The following SLC6A9 variants were observed in gnomAD, a reference collection of about 807,000 sequenced individuals.
SLC6A9 encodes solute carrier family 6 member 9.
Under a neutral mutation model 70.9 loss-of-function variants are expected in SLC6A9, and 31 were observed. The ratio of observed to expected loss-of-function variants is 0.44; its 90% CI spans 0.33 to 0.59. The LOEUF is 0.59. SLC6A9 is among the 20% of genes least tolerant of loss of function. SLC6A9 has a pLI of 0.04. For missense variants in SLC6A9, 631 were observed against 845.2 expected (o/e 0.75, Z 3.14); for synonymous variants, 310 against 341.3 (o/e 0.91, Z 1.01).
intron 5 of SLC6A9, among the ~76,000 whole-genome samples, chr1:44,004,145 C>T (rs368816292): frequency 6.6e-6 from 1 of 151,938 alleles, no homozygotes; most frequent in Non-Finnish European, 1.5e-5. Context: ...CAGGTATGCA[C>T]CAATACGCTG....
chr1:44,002,183 C>G lies in SLC6A9; in HGVS notation c.962+130G>C. The G allele has an allele frequency of 1.5e-6, 1 of 678,622 alleles. No homozygotes were observed. 42.0% of individuals were successfully genotyped at this position (678,622 alleles called of 1,614,324 possible). On this transcript the variant is annotated intron_variant, in intron 8 of 13. Coordinates refer to ENST00000372310, the MANE Select transcript of SLC6A9 (RefSeq NM_001024845.3). The surrounding 1 kb of genome is among the most constrained non-coding windows in gnomAD (Gnocchi z 5.5). ...CATTCTCCAACAACTTTATCCAGAA[C>G]CAGTATTCCCAGAACCTCAAGATCA... is the stretch of plus-strand genomic sequence containing the variant.
At chr1:44,017,452 G>A (rs748529248) in intron 2 of SLC6A9, 30 of 906,838 alleles carry the variant, frequency 3.3e-5, no homozygotes, top group Non-Finnish European at 3.8e-5. Flanking sequence ...CTCCCCCCAC[G>A]GAGCTGACCA....
chr1:44,001,775 T>C lies in SLC6A9; in HGVS notation c.963-148A>G. ...CAGGGTCTCACTCTGTTGTCCAGGATGGAGTGCAATGGCGCTATCACAGCT... is the reference window on the plus strand; with the variant it reads ...CAGGGTCTCACTCTGTTGTCCAGGACGGAGTGCAATGGCGCTATCACAGCT... On this transcript the variant is annotated intron_variant, in intron 8 of 13. Transcript: ENST00000372310. The C allele has an allele frequency of 4.5e-6, 3 of 667,648 alleles. No homozygotes were observed. In the South Asian group the frequency reaches 5.4e-5, roughly 12 times the overall value. The allele number at this position is 667,648 out of a possible 1,614,324, so 41.4% of individuals were successfully genotyped here. A position where few individuals can be genotyped will look rare whatever the true frequency, so the allele number is the denominator to read the frequency against.
At chr1:44,023,370 C>T (rs781046099) in intron 2 of SLC6A9, among the ~76,000 whole-genome samples, 3 of 152,108 alleles carry the variant, frequency 2.0e-5, no homozygotes, top group Admixed American at 6.5e-5. Flanking sequence ...AGGCCGGGTG[C>T]GGTGGCTCAC....
chr1:43,997,490 G>C lies in SLC6A9; in HGVS notation c.*55C>G. ...GAGACACCTGGCCTCTGCCTCACCA[G>C]TCTCTGCGGTGGGAGCACGGGGTGG... On this transcript the variant is annotated 3_prime_UTR_variant, in exon 14 of 14. Transcript: ENST00000372310. The surrounding 1 kb of genome is among the most constrained non-coding windows in gnomAD (Gnocchi z 4.4). 1 of 1,521,672 alleles carries C rather than the reference G, an allele frequency of 6.6e-7. No individual in the cohort carries two copies. Among genetic ancestry groups the C allele is most frequent in the Non-Finnish European group, 9.1e-7 (1 of 1,104,570 alleles). The allele number at this position is 1,521,672 out of a possible 1,614,324, so 94.3% of individuals were successfully genotyped here.
At chr1:44,021,345 G>C (rs1215318809) in intron 2 of SLC6A9, among the ~76,000 whole-genome samples, 1 of 152,164 alleles carries the variant, frequency 6.6e-6, no homozygotes, top group African/African-American at 2.4e-5. Flanking sequence ...GAGCTGGCCT[G>C]GCAGAGACCA....
At position 44,002,755 on chromosome 1, in the gene SLC6A9, G is replaced by A; in HGVS notation, c.723+98C>T. On this transcript the variant is annotated intron_variant, in intron 6 of 13. Coordinates refer to ENST00000372310, the MANE Select transcript of SLC6A9 (RefSeq NM_001024845.3). The surrounding 1 kb of genome is among the most constrained non-coding windows in gnomAD (Gnocchi z 5.5). The stretch of plus-strand genomic sequence containing the variant: ...CCCCTGGTCCCTCTCCGGCTCCGGA[G>A]TCCCTTCAGCATCCCCTCCCTGCAA... The A allele has an allele frequency of 6.3e-7, 1 of 1,593,262 alleles. No individual in the cohort carries two copies. The highest frequency in any genetic ancestry group is 8.6e-7 in the Non-Finnish European group (1 of 1,163,596).
chr1:44,011,560 C>A, intron 2 of SLC6A9: 5 of 1,613,580 alleles, frequency 3.1e-6, no homozygotes, highest in Non-Finnish European at 4.2e-6. Flanking sequence ...GGGGAGCTGA[C>A]CTGGGCCATG....
chr1:44,010,219 G>A (rs1261346206), intron 3 of SLC6A9, 123 bp from the exon 4 acceptor site: 1 of 1,020,348 alleles, frequency 9.8e-7, no homozygotes, highest in Non-Finnish European at 1.4e-6. Context: ...GAGTGTGCCA[G>A]GCTTGAGCAG....
rs1266576138 is a variant in SLC6A9, at chr1:44,002,942, C to T, written c.634G>A (p.Glu212Lys). 3 of 1,613,950 alleles carry T rather than the reference C, an allele frequency of 1.9e-6. No homozygotes were observed. The highest frequency in any genetic ancestry group is 2.5e-6 in the Non-Finnish European group (3 of 1,179,928). ...KLSDDIGNFG[E>K]VRLPLLGCLG... ...CAGCCAAGGAGGGGCAGCCGCACCTCCCCAAAGTTCCCAATGTCATCTGAC... is the reference window on the plus strand; with the variant it reads ...CAGCCAAGGAGGGGCAGCCGCACCTTCCCAAAGTTCCCAATGTCATCTGAC... The change falls in exon 6 of 14, where the codon GAG becomes AAG. Residue 212 changes from glutamate (E) to lysine (K), a missense_variant. Glu to Lys is a moderately conservative substitution (Grantham distance 56, BLOSUM62 1). Transcript: ENST00000372310. This position sits in a 1 kb window ranked among gnomAD's most constrained non-coding sequence, Gnocchi z 5.5.
chr1:44,011,301 C>G (rs1307739802), intron 2 of SLC6A9, among the ~76,000 whole-genome samples: 1 of 152,200 alleles, frequency 6.6e-6, no homozygotes, highest in East Asian at 1.9e-4. Context: ...TGTGTCCAGA[C>G]AGCCCCCCCA....
In SLC6A9 at chr1:44,002,931, C is replaced by A. The variant is rs200958790; in HGVS notation, c.645G>T (p.Leu215=). 48 of 1,613,916 alleles carry A rather than the reference C, an allele frequency of 3.0e-5. No homozygotes were observed. The highest frequency in any genetic ancestry group is 5.3e-5 in the African/African-American group (4 of 74,922). ...DDIGNFGEVR[L]PLLGCLGVSW... is the part of the protein sequence containing the mutation. ...AGACACCGAGGCAGCCAAGGAGGGG[C>A]AGCCGCACCTCCCCAAAGTTCCCAA... Residue 215 remains leucine (L), a synonymous_variant, in exon 6 of 14, where the codon CTG becomes CTT. Coordinates refer to ENST00000372310, the MANE Select transcript of SLC6A9 (RefSeq NM_001024845.3). This position sits in a 1 kb window ranked among gnomAD's most constrained non-coding sequence, Gnocchi z 5.5.
At position 44,018,259 on chromosome 1, in the gene SLC6A9, G is replaced by C. The variant is rs947031215; in HGVS notation, c.30+5989C>G. Among the ~76,000 whole-genome samples, 2 of 152,116 alleles carry C rather than the reference G, an allele frequency of 1.3e-5. No homozygotes were observed. Among genetic ancestry groups the C allele is most frequent in the African/African-American group, 4.8e-5 (2 of 41,422 alleles). ...TTGGTGAGTGTGGCAACCCCGTAGG[G>C]AACATAAGGAGTTTTGTCAAGCACA... On this transcript the variant is annotated intron_variant, in intron 2 of 13. Coordinates refer to ENST00000372310, the MANE Select transcript of SLC6A9 (RefSeq NM_001024845.3). The surrounding 1 kb of genome is among the most constrained non-coding windows in gnomAD (Gnocchi z 4.2).
intron 2 of SLC6A9, chr1:44,016,503 T>G (rs1275616822): frequency 6.5e-6 from 1 of 152,988 alleles, no homozygotes; most frequent in Non-Finnish European, 1.5e-5. Context: ...CGTCCAGGGA[T>G]GAGGACACAC....
rs528016683 is a variant in SLC6A9 at position 44,007,259 on chromosome 1, G to C, written c.590+1094C>G. On this transcript the variant is annotated intron_variant, in intron 5 of 13. Transcript: ENST00000372310. ...CCTGGACCGAGGCACTTGCCCTACT[G>C]TGATTAGCAATCTGTCTCCCCACTG... Among the ~76,000 whole-genome samples, 74 of 152,316 alleles carry C rather than the reference G, an allele frequency of 4.9e-4. 1 individual carries two copies. Among genetic ancestry groups the C allele is most frequent in the African/African-American group, 1.7e-3 (69 of 41,576 alleles).
At position 44,013,657 on chromosome 1, in the gene SLC6A9, T is replaced by C. The variant is rs1010116892; in HGVS notation, c.31-2775A>G. 6.6e-6 allele frequency among the ~76,000 whole-genome samples: 1 copy of C among 152,122 alleles called. No homozygotes were observed. The highest frequency in any genetic ancestry group is 1.5e-5 in the Non-Finnish European group (1 of 68,022). Reference sequence around the variant, plus strand: ...GAATCTGGCCCAGGCTTGGCCTCTGTCTTCAACTCCAGGGCTGTCTACGCT... The same window carrying C: ...GAATCTGGCCCAGGCTTGGCCTCTGCCTTCAACTCCAGGGCTGTCTACGCT... On this transcript the variant is annotated intron_variant, in intron 2 of 13. Coordinates refer to ENST00000372310, the MANE Select transcript of SLC6A9 (RefSeq NM_001024845.3). This position sits in a 1 kb window ranked among gnomAD's most constrained non-coding sequence, Gnocchi z 5.3.
rs2086166470 is a variant in SLC6A9, at chr1:44,002,753, G to A, written c.723+100C>T. 3 of 1,594,048 alleles carry A rather than the reference G, an allele frequency of 1.9e-6. No homozygotes were observed. The highest frequency in any genetic ancestry group is 3.4e-5 in the Admixed American group (2 of 59,564). On this transcript the variant is annotated intron_variant, in intron 6 of 13. Transcript: ENST00000372310. This position sits in a 1 kb window ranked among gnomAD's most constrained non-coding sequence, Gnocchi z 5.5. ...GCCCCCTGGTCCCTCTCCGGCTCCG[G>A]AGTCCCTTCAGCATCCCCTCCCTGC...
At chr1:44,008,691 CTTTTTTTTCTTTTCTTTTCTT>C in intron 4 of SLC6A9, 68 bp from the exon 5 acceptor site, 2 of 1,218,828 alleles carry the variant, frequency 1.6e-6, no homozygotes, top group African/African-American at 1.9e-5. Context: ...TTAATAATTT[CTTTTTTTTCTTTTCTTTTCTT>C]TTTTTTTTTT....
In SLC6A9 at chr1:44,002,781, T is replaced by C; in HGVS notation, c.723+72A>G. 1.9e-6 allele frequency: 3 copies of C among 1,601,162 alleles called. No homozygotes were observed. The highest frequency in any genetic ancestry group is 2.6e-6 in the Non-Finnish European group (3 of 1,170,000). Reference sequence around the variant, plus strand: ...TCCCTTCAGCATCCCCTCCCTGCAATACACACATAACCCAGGTAGGGGGCA... The same window carrying C: ...TCCCTTCAGCATCCCCTCCCTGCAACACACACATAACCCAGGTAGGGGGCA... On this transcript the variant is annotated intron_variant, in intron 6 of 13. Transcript: ENST00000372310. The surrounding 1 kb of genome is among the most constrained non-coding windows in gnomAD (Gnocchi z 5.5).
Sources: gnomAD v4.1 joint callset for allele counts (sites outside exome capture counted in the v4.1 genomes callset) on GRCh38, gnomAD v4.1.1 for gene constraint, Gnocchi (gnomAD v3.1) non-coding constraint, MANE v1.5 for transcripts, NCBI Gene and HGNC (gene_info 2026-07-23, HGNC 2026-07-21) for gene names.